EVI5: variants seen among roughly 807,000 people sequenced by gnomAD.
EVI5 encodes ecotropic viral integration site 5 protein homolog.
A neutral mutation model predicts 112.0 loss-of-function variants in EVI5; 73 were observed. The ratio of observed to expected loss-of-function variants is 0.65; its 90% CI spans 0.54 to 0.79. The LOEUF is 0.79. Among genes scored for constraint, EVI5 ranks in the 30% least tolerant of loss-of-function variants. The pLI is 0.00. For synonymous variants in EVI5, 305 were observed against 319.9 expected, an observed-to-expected ratio of 0.95 and a Z score of 0.50; for missense variants, 900 against 968.8, an observed-to-expected ratio of 0.93 and a Z score of 0.94.
intron 13 of EVI5, among the ~76,000 whole-genome samples, chr1:92,658,770 C>T (rs941544253): frequency 4.0e-5 from 6 of 151,860 alleles, no homozygotes; most frequent in Non-Finnish European, 8.8e-5. Flanking sequence ...CCAGAACAGC[C>T]AAAGCAATCC....
chr1:92,643,393 C>T (rs1228111541), intron 13 of EVI5, among the ~76,000 whole-genome samples: 2 of 150,524 alleles, frequency 1.3e-5, no homozygotes, highest in Non-Finnish European at 2.9e-5. Context: ...ATCCTCCCAC[C>T]TCAGCCTCCC....
intron 18 of EVI5, among the ~76,000 whole-genome samples, chr1:92,575,011 C>T (rs1670837218): frequency 6.6e-6 from 1 of 152,120 alleles, no homozygotes; most frequent in Non-Finnish European, 1.5e-5. Flanking sequence ...TCAGTTAACA[C>T]CTAGTTAGTG....
chr1:92,743,588 T>A (rs1282435351), intron 1 of EVI5, among the ~76,000 whole-genome samples: 1 of 152,012 alleles, frequency 6.6e-6, no homozygotes, highest in African/African-American at 2.4e-5. Context: ...ATTATAGAGA[T>A]GATGGTGATG....
chr1:92,655,745 T>C (rs1662888387), intron 13 of EVI5, among the ~76,000 whole-genome samples: 1 of 152,112 alleles, frequency 6.6e-6, no homozygotes, highest in Non-Finnish European at 1.5e-5. Context: ...CATTTTAAAA[T>C]GATAACGGGA....
intron 1 of EVI5, among the ~76,000 whole-genome samples, chr1:92,782,224 C>T (rs1272302842): frequency 6.6e-6 from 1 of 151,890 alleles, no homozygotes; most frequent in Admixed American, 6.6e-5. Context: ...CGCCACTGCA[C>T]TCTAGCCTGG....
chr1:92,576,705 G>GC (rs1316713509), intron 18 of EVI5, among the ~76,000 whole-genome samples: 2 of 152,172 alleles, frequency 1.3e-5, no homozygotes, highest in Non-Finnish European at 2.9e-5. Flanking sequence ...CTGACAGACT[G>GC]CTAGCCCACT....
At chr1:92,555,007 A>G (rs1667473645) in intron 19 of EVI5, among the ~76,000 whole-genome samples, 1 of 152,098 alleles carries the variant, frequency 6.6e-6, no homozygotes, top group African/African-American at 2.4e-5. Flanking sequence ...GAAAGAAAAG[A>G]ATGGGTTTTT....
chr1:92,708,526 G>A (rs535528773), intron 2 of EVI5, among the ~76,000 whole-genome samples: 1 of 152,218 alleles, frequency 6.6e-6, no homozygotes, highest in African/African-American at 2.4e-5. Context: ...CTACTTGTGG[G>A]AATGTAAAAT....
chr1:92,577,876 G>C (rs1449022532), intron 18 of EVI5, among the ~76,000 whole-genome samples: 1 of 152,188 alleles, frequency 6.6e-6, no homozygotes, highest in Non-Finnish European at 1.5e-5. Context: ...TTATCTCAGT[G>C]AAAGTTTTAG....
intron 13 of EVI5, among the ~76,000 whole-genome samples, chr1:92,644,111 T>A (rs1234267949): frequency 6.6e-6 from 1 of 152,188 alleles, no homozygotes; most frequent in East Asian, 1.9e-4. Flanking sequence ...GATCACTTAA[T>A]AGTGGCAAAC....
At chr1:92,625,605 A>G (rs1359569779) in intron 15 of EVI5, 189 bp downstream of exon 15, 1 of 483,334 alleles carries the variant, frequency 2.1e-6, no homozygotes, top group Non-Finnish European at 3.7e-6. Flanking sequence ...ATTTTATTAT[A>G]AGAATTAAAG....
At chr1:92,555,182 C>T (rs1667493559) in intron 19 of EVI5, among the ~76,000 whole-genome samples, 1 of 152,142 alleles carries the variant, frequency 6.6e-6, no homozygotes, top group African/African-American at 2.4e-5. Flanking sequence ...CCTGAAACTT[C>T]TGCATGGTAC....
chr1:92,719,902 T>C (rs1247132640), intron 2 of EVI5, among the ~76,000 whole-genome samples: 1 of 151,950 alleles, frequency 6.6e-6, no homozygotes, highest in African/African-American at 2.4e-5. Context: ...GACAGCCAAA[T>C]TATGAGCAAA....
At chr1:92,766,752 A>T (rs1317439790) in intron 1 of EVI5, among the ~76,000 whole-genome samples, 1 of 152,200 alleles carries the variant, frequency 6.6e-6, no homozygotes, top group Non-Finnish European at 1.5e-5. Context: ...AAGCTGGTCC[A>T]AAAATATTAC....
At chr1:92,530,611 G>A (rs1449296775) in intron 19 of EVI5, among the ~76,000 whole-genome samples, 1 of 152,056 alleles carries the variant, frequency 6.6e-6, no homozygotes, top group African/African-American at 2.4e-5. Flanking sequence ...AATCTTTGCT[G>A]TTCTGCAGCA....
chr1:92,555,848 C>CAAA (rs148221183), intron 19 of EVI5, among the ~76,000 whole-genome samples: 15 of 94,138 alleles, frequency 1.6e-4, no homozygotes, highest in African/African-American at 4.4e-4. Context: ...AAACTCGTCT[C>CAAA]AAAAAAAAAA....
chr1:92,732,141 T>C (rs1369531610), intron 2 of EVI5: 1 of 179,002 alleles, frequency 5.6e-6, no homozygotes, highest in African/African-American at 2.4e-5. Flanking sequence ...ATGGTTGTCC[T>C]GAGATGACTG....
intron 18 of EVI5, among the ~76,000 whole-genome samples, chr1:92,602,262 A>G (rs1356075009): frequency 6.6e-6 from 1 of 152,228 alleles, no homozygotes; most frequent in Non-Finnish European, 1.5e-5. Context: ...TGTGACTTGG[A>G]GTACAATATA....
chr1:92,673,326 C>T (rs1441619618), intron 10 of EVI5, among the ~76,000 whole-genome samples: 3 of 151,752 alleles, frequency 2.0e-5, no homozygotes, highest in African/African-American at 7.3e-5. Flanking sequence ...AAAAACTGGC[C>T]AGAATTTCTC....
Sources: allele counts gnomAD v4.1 joint callset (sites outside exome capture counted in the v4.1 genomes callset), GRCh38; gene constraint gnomAD v4.1.1; transcripts MANE v1.5; gene names NCBI Gene and HGNC (gene_info 2026-07-23, HGNC 2026-07-21).